The following CTNNA3 variants were observed in gnomAD, a reference collection of about 807,000 sequenced individuals.
CTNNA3 encodes catenin alpha 3.
In CTNNA3, 76 loss-of-function variants were observed where a neutral mutation model predicts 95.7. The ratio of observed to expected loss-of-function variants is 0.79; its 90% confidence interval spans 0.66 to 0.96. The LOEUF (loss-of-function observed/expected upper bound fraction) is 0.96. CTNNA3 is among the 40% of genes least tolerant of loss of function. The pLI, the probability that CTNNA3 is intolerant of heterozygous loss-of-function variation, is 0.00. For synonymous variants in CTNNA3, 431 were observed against 374.4 expected (o/e 1.15, Z -1.74); for missense variants, 1,191 against 1,089.8 (o/e 1.09, Z -1.31).
intron 5 of CTNNA3, among the ~76,000 whole-genome samples, chr10:67,461,321 T>C (rs974199895): frequency 1.3e-5 from 2 of 151,732 alleles, no homozygotes; most frequent in Non-Finnish European, 3.0e-5. Flanking sequence ...TCCAAGATCT[T>C]AGAAGGGTAC....
intron 4 of CTNNA3, among the ~76,000 whole-genome samples, chr10:67,532,615 T>C (rs531168246): frequency 6.6e-6 from 1 of 152,254 alleles, no homozygotes; most frequent in South Asian, 2.1e-4. Flanking sequence ...GAAAAGTTAG[T>C]TCAACTCAAT....
intron 7 of CTNNA3, among the ~76,000 whole-genome samples, chr10:67,085,289 GTCT>G (rs1387924169): frequency 6.6e-6 from 1 of 151,484 alleles, no homozygotes; most frequent in African/African-American, 2.4e-5. Context: ...AATATGACTA[GTCT>G]TCTTGTTTAT....
At chr10:67,440,531 C>T (rs1442635633) in intron 5 of CTNNA3, among the ~76,000 whole-genome samples, 1 of 152,052 alleles carries the variant, frequency 6.6e-6, no homozygotes, top group Admixed American at 6.6e-5. Context: ...TTTGGTGAGA[C>T]CCAGTGCTGT....
At chr10:66,490,838 C>G (rs779634687) in intron 11 of CTNNA3, among the ~76,000 whole-genome samples, 16 of 152,128 alleles carry the variant, frequency 1.1e-4, no homozygotes, top group Non-Finnish European at 1.5e-4. Context: ...TGGGTCTCTG[C>G]GTGACTAATA....
At chr10:67,065,720 T>C (rs1330990002) in intron 7 of CTNNA3, among the ~76,000 whole-genome samples, 1 of 152,022 alleles carries the variant, frequency 6.6e-6, no homozygotes, top group Non-Finnish European at 1.5e-5. Flanking sequence ...GATAAAAAAC[T>C]AAGCCACACG....
At chr10:66,152,805 T>C (rs2084273119) in intron 13 of CTNNA3, among the ~76,000 whole-genome samples, 1 of 151,980 alleles carries the variant, frequency 6.6e-6, no homozygotes, top group South Asian at 2.1e-4. Flanking sequence ...TGAAACTTTG[T>C]TATCCTTTCT....
intron 5 of CTNNA3, among the ~76,000 whole-genome samples, chr10:67,322,329 T>C (rs779717839): frequency 6.6e-6 from 1 of 152,142 alleles, no homozygotes; most frequent in East Asian, 1.9e-4. Context: ...CACCCAGGTA[T>C]TAAGTTCAGT....
At chr10:66,349,068 G>A (rs535554462) in intron 12 of CTNNA3, among the ~76,000 whole-genome samples, 3 of 152,138 alleles carry the variant, frequency 2.0e-5, no homozygotes, top group African/African-American at 7.2e-5. Flanking sequence ...TTACATGTTC[G>A]TTACTTCACA....
chr10:67,364,142 T>G (rs1392869351), intron 5 of CTNNA3, among the ~76,000 whole-genome samples: 1 of 152,178 alleles, frequency 6.6e-6, no homozygotes, highest in East Asian at 1.9e-4. Flanking sequence ...CAAGTCGGCT[T>G]CATCTCTGGG....
Position 66,966,815 on chromosome 10 carries a change from T to C in CTNNA3, c.1048-191291A>G, listed in dbSNP as rs141406432. Reference sequence around the variant, plus strand: ...AAAAACAACATGAATCAGTGTGCTCTCACATCTCCATATCTCTGTGTTACC... The same window carrying C: ...AAAAACAACATGAATCAGTGTGCTCCCACATCTCCATATCTCTGTGTTACC... On this transcript the variant is annotated intron_variant, in intron 7 of 17. Coordinates refer to ENST00000433211, the MANE Select transcript of CTNNA3 (RefSeq NM_013266.4). Among the ~76,000 whole-genome samples the C allele has an allele frequency of 3.9e-3, 589 of 152,210 alleles. 6 individuals carry two copies. Among genetic ancestry groups the C allele is most frequent in the African/African-American group, 0.014 (566 of 41,542 alleles).
At chr10:66,060,445 T>C (rs2080171362) in intron 15 of CTNNA3, among the ~76,000 whole-genome samples, 1 of 152,104 alleles carries the variant, frequency 6.6e-6, no homozygotes, top group African/African-American at 2.4e-5. Flanking sequence ...TATTTTTGTT[T>C]ATTTCTAAAG....
Position 66,683,176 on chromosome 10 carries a change from T to C in CTNNA3, c.1282-61392A>G, listed in dbSNP as rs550291113. 7.9e-5 allele frequency among the ~76,000 whole-genome samples: 12 copies of C among 152,308 alleles called. No homozygotes were observed. The South Asian group carries it at 2.5e-3, about 32-fold the overall frequency. The stretch of plus-strand genomic sequence containing the variant: ...CTTTGAAGTAGTAGGTGCTATCAAG[T>C]ATTAGACTGTCAAATATATTCAAAC... On this transcript the variant is annotated intron_variant, in intron 9 of 17. Coordinates refer to ENST00000433211, the MANE Select transcript of CTNNA3 (RefSeq NM_013266.4).
At chr10:66,905,030 CA>C (rs1373678066) in intron 7 of CTNNA3, among the ~76,000 whole-genome samples, 4 of 152,070 alleles carry the variant, frequency 2.6e-5, no homozygotes, top group African/African-American at 9.7e-5. Flanking sequence ...GGTATATACC[CA>C]AAGGATTATA....
At chr10:67,533,922 T>C (rs1281101214) in intron 4 of CTNNA3, among the ~76,000 whole-genome samples, 3 of 151,934 alleles carry the variant, frequency 2.0e-5, no homozygotes, top group African/African-American at 2.4e-5. Context: ...AAATCTGTTA[T>C]GTAAGAAAAG....
intron 13 of CTNNA3, among the ~76,000 whole-genome samples, chr10:66,189,617 T>TATATACAC (rs151078010): frequency 0.18 from 24,648 of 140,218 alleles, 2,626 homozygotes; most frequent in South Asian, 0.38. Flanking sequence ...TATATATATA[T>TATATACAC]ACACACATAC....
chr10:66,521,685 G>C (rs1045154313), intron 10 of CTNNA3, among the ~76,000 whole-genome samples: 1 of 152,144 alleles, frequency 6.6e-6, no homozygotes. Context: ...CCTCCAGGAA[G>C]TCATTAAGTA....
At chr10:67,187,719 G>T (rs111488548) in intron 6 of CTNNA3, among the ~76,000 whole-genome samples, 73 of 152,098 alleles carry the variant, frequency 4.8e-4, no homozygotes, top group South Asian at 8.3e-4. Context: ...CGCAGTAACT[G>T]GAATCACAGG....
At chr10:66,620,817 A>C (rs1429279264) in intron 10 of CTNNA3, among the ~76,000 whole-genome samples, 2 of 152,162 alleles carry the variant, frequency 1.3e-5, no homozygotes, top group Non-Finnish European at 2.9e-5. Flanking sequence ...GCAAATCAAT[A>C]ATTTAACACA....
intron 3 of CTNNA3, among the ~76,000 whole-genome samples, chr10:67,603,866 AC>A (rs1217814368): frequency 2.6e-5 from 4 of 152,172 alleles, no homozygotes; most frequent in African/African-American, 7.2e-5. Context: ...ACAGTGATAT[AC>A]AGTAATGTCC....
Sources: allele counts gnomAD v4.1 joint callset (sites outside exome capture counted in the v4.1 genomes callset), GRCh38; gene constraint gnomAD v4.1.1; transcripts MANE v1.5; gene names NCBI Gene and HGNC (gene_info 2026-07-23, HGNC 2026-07-21).